LAMA3: variants seen among roughly 807,000 people sequenced by gnomAD.
LAMA3 encodes the protein laminin subunit alpha 3, also known as laminin subunit alpha-3.
In LAMA3, 281 loss-of-function variants were observed where a neutral mutation model predicts 402.0. The observed-to-expected ratio is 0.70, with a 90% confidence interval of 0.63 to 0.77. LAMA3 has a LOEUF of 0.77. Among genes scored for constraint, LAMA3 ranks in the 30% least tolerant of loss-of-function variants. The probability of loss-of-function intolerance (pLI) is 0.00; values close to 1 mark genes in which losing one functional copy is unlikely to be tolerated. For missense variants in LAMA3, 3,840 were observed against 4,215.5 expected (o/e 0.91, Z 2.47); for synonymous variants, 1,431 against 1,558.4 (o/e 0.92, Z 1.93).
chr18:23,867,846 T>A lies in LAMA3; in HGVS notation c.4696T>A (p.Ser1566Thr). 2 of 1,613,908 alleles carry A rather than the reference T, an allele frequency of 1.2e-6. No homozygotes were observed. The highest frequency in any genetic ancestry group is 1.7e-6 in the Non-Finnish European group (2 of 1,179,802). The change falls in exon 37 of 75, where the codon TCC becomes ACC. Residue 1566 changes from serine (S) to threonine (T), a missense_variant. Around this residue, in one of 3 missense-constraint regions of LAMA3, gnomAD observed 2,109 missense variants for 2,376.0 expected, o/e 0.89. Coordinates refer to ENST00000313654, the MANE Select transcript of LAMA3 (RefSeq NM_198129.4). The stretch of plus-strand genomic sequence containing the variant: ...TTTCTTTAAACAGGGTCAGCACATG[T>A]CCATCATCTATGAGGAGACAAACAC... Reference protein sequence around the residue: ...PDVQLTGQHMSIIYEETNTPR... With the variant: ...PDVQLTGQHMTIIYEETNTPR...
chr18:23,723,019 C>G lies in LAMA3; in HGVS notation c.447+8947C>G, dbSNP rs151199284. Among the ~76,000 whole-genome samples the G allele has an allele frequency of 5.3e-5, 8 of 152,238 alleles. No homozygotes were observed. The East Asian group carries it at 1.5e-3, about 29-fold the overall frequency. ...GAACCAGAGCTTTACATTTACATATCATCTATGATATGGAATTTTATTATT... is the reference window on the plus strand; with the variant it reads ...GAACCAGAGCTTTACATTTACATATGATCTATGATATGGAATTTTATTATT... On this transcript the variant is annotated intron_variant, in intron 2 of 74. Coordinates refer to ENST00000313654, the MANE Select transcript of LAMA3 (RefSeq NM_198129.4).
chr18:23,733,266 T>C (rs2061422303), intron 2 of LAMA3, among the ~76,000 whole-genome samples: 1 of 152,166 alleles, frequency 6.6e-6, no homozygotes, highest in Non-Finnish European at 1.5e-5. Context: ...GGAAGTGTAT[T>C]AGTCCGTTTT....
chr18:23,769,151 AT>A (rs571063546), intron 8 of LAMA3, among the ~76,000 whole-genome samples: 26 of 150,044 alleles, frequency 1.7e-4, no homozygotes, highest in African/African-American at 4.9e-4. Flanking sequence ...TTAGAGTTGA[AT>A]TTTTTTTTTG....
chr18:23,703,791 GT>G (rs1173829581), intron 1 of LAMA3, among the ~76,000 whole-genome samples: 1 of 152,164 alleles, frequency 6.6e-6, no homozygotes, highest in African/African-American at 2.4e-5. Context: ...ATGAAACCTT[GT>G]GTGTGGGAGT....
intron 41 of LAMA3, among the ~76,000 whole-genome samples, chr18:23,886,448 C>A (rs962664371): frequency 6.6e-6 from 1 of 152,006 alleles, no homozygotes; most frequent in Non-Finnish European, 1.5e-5. Context: ...AGAGACCAAC[C>A]TGGGCAGCAT....
At chr18:23,899,660 T>A in intron 47 of LAMA3, 1 of 526,750 alleles carries the variant, frequency 1.9e-6, no homozygotes, top group Non-Finnish European at 3.4e-6. Context: ...CAGCTTACCA[T>A]CATGCAAAGA....
chr18:23,946,478 T>A (rs1568377712), intron 70 of LAMA3, 194 bp downstream of exon 70: 2 of 675,400 alleles, frequency 3.0e-6, no homozygotes, highest in Admixed American at 2.4e-5. Context: ...ATTTCTAAGG[T>A]GCAGGTTGAG....
intron 2 of LAMA3, among the ~76,000 whole-genome samples, chr18:23,742,840 G>A (rs924835564): frequency 5.9e-5 from 9 of 152,164 alleles, no homozygotes; most frequent in African/African-American, 2.2e-4. Context: ...TTGTGGAATA[G>A]TATGTTTATT....
intron 12 of LAMA3, among the ~76,000 whole-genome samples, chr18:23,790,462 T>C (rs528815248): frequency 4.5e-4 from 69 of 152,380 alleles, no homozygotes; most frequent in African/African-American, 1.5e-3. Context: ...TATTTTTTAC[T>C]GTGAACATGG....
intron 62 of LAMA3, among the ~76,000 whole-genome samples, chr18:23,927,023 T>G (rs1468790292): frequency 6.6e-6 from 1 of 152,192 alleles, no homozygotes; most frequent in African/African-American, 2.4e-5. Flanking sequence ...AAGTTGCCTG[T>G]TCAATCAGAA....
At position 23,838,823 on chromosome 18, in the gene LAMA3, T is replaced by A; in HGVS notation, c.3136T>A (p.Tyr1046Asn). Residue 1046 changes from tyrosine (Y) to asparagine (N), a missense_variant, in exon 26 of 75, where the codon TAT becomes AAT. Tyr to Asn is a moderately radical substitution (Grantham distance 143). Coordinates refer to ENST00000313654, the MANE Select transcript of LAMA3 (RefSeq NM_198129.4). ...IIPIEEFSAE[Y>N]VRPQVHCIAS... ...ACCTATTGAAGAATTCTCAGCTGAG[T>A]ATGTGAGACCACAAGTCCACTGCAT... 6.2e-7 allele frequency: 1 copy of A among 1,612,366 alleles called. No individual in the cohort carries two copies. The highest frequency in any genetic ancestry group is 8.5e-7 in the Non-Finnish European group (1 of 1,178,406).
At chr18:23,901,404 T>A in intron 48 of LAMA3, 81 bp downstream of exon 48, 4 of 1,212,116 alleles carry the variant, frequency 3.3e-6, no homozygotes, top group Non-Finnish European at 3.6e-6. Flanking sequence ...TAAAGTGGCA[T>A]AGCCAGGCAC....
Position 23,928,426 on chromosome 18 carries a change from G to C in LAMA3, c.8295+186G>C, listed in dbSNP as rs553435528. On this transcript the variant is annotated intron_variant, in intron 63 of 74. Transcript: ENST00000313654. The stretch of plus-strand genomic sequence containing the variant: ...TCAGGTTTGCACATTAACTTTGTAG[G>C]AAAGTAGGAAGACCAACTATATACA... Among the ~76,000 whole-genome samples the C allele has an allele frequency of 1.8e-3, 277 of 152,322 alleles. 1 individual carries two copies. Among genetic ancestry groups the C allele is most frequent in the Non-Finnish European group, 3.2e-3 (220 of 68,026 alleles).
chr18:23,894,116 C>G (rs1300883310), intron 42 of LAMA3, among the ~76,000 whole-genome samples, 182 bp from the exon 43 acceptor site: 1 of 148,740 alleles, frequency 6.7e-6, no homozygotes, highest in African/African-American at 2.5e-5. Context: ...AGTTGGGTGT[C>G]TATTAGGTTG....
chr18:23,815,321 T>A, intron 16 of LAMA3, 81 bp downstream of exon 16: 1 of 1,418,690 alleles, frequency 7.0e-7, no homozygotes, highest in Non-Finnish European at 9.9e-7. Context: ...CGTGTGTTAG[T>A]ACTTCTGTCA....
chr18:23,741,614 T>G (rs2143425785), intron 2 of LAMA3, among the ~76,000 whole-genome samples: 1 of 152,364 alleles, frequency 6.6e-6, no homozygotes, highest in South Asian at 2.1e-4. Flanking sequence ...ATTTGTATTT[T>G]GTACCTGGGT....
At chr18:23,892,271 AC>A (rs1259420027) in intron 42 of LAMA3, among the ~76,000 whole-genome samples, 1 of 152,226 alleles carries the variant, frequency 6.6e-6, no homozygotes, top group Non-Finnish European at 1.5e-5. Context: ...CACGCCAGTA[AC>A]AAAAATCAGC....
chr18:23,830,162 A>G (rs759525327), intron 23 of LAMA3, among the ~76,000 whole-genome samples: 3 of 152,098 alleles, frequency 2.0e-5, no homozygotes, highest in Admixed American at 6.6e-5. Flanking sequence ...TTGATTCTAA[A>G]TATATCTTTT....
intron 18 of LAMA3, among the ~76,000 whole-genome samples, chr18:23,817,465 G>A (rs184198484): frequency 3.3e-5 from 5 of 152,292 alleles, no homozygotes; most frequent in Non-Finnish European, 5.9e-5. Context: ...AGAGCAGGCT[G>A]GGAGTGATGT....
Sources: gnomAD v4.1 joint callset for allele counts (sites outside exome capture counted in the v4.1 genomes callset) on GRCh38, gnomAD v4.1.1 for gene constraint, gnomAD v4.1.1 regional missense constraint, MANE v1.5 for transcripts, NCBI Gene and HGNC (gene_info 2026-07-23, HGNC 2026-07-21) for gene names.